CSMD1: variants seen among roughly 807,000 people sequenced by gnomAD.
CSMD1 encodes the protein CUB and sushi domain-containing protein 1.
In CSMD1, 213 loss-of-function variants were observed where a neutral mutation model predicts 417.5. The observed-to-expected ratio is 0.51, with a 90% confidence interval of 0.46 to 0.57. CSMD1 has a LOEUF of 0.57. CSMD1 is among the 20% of genes least tolerant of loss of function. CSMD1 has a pLI of 0.00. For synonymous variants in CSMD1, 2,862 were observed against 1,736.8 expected (o/e 1.65, Z -16.11); for missense variants, 6,923 against 4,529.7 (o/e 1.53, Z -15.17).
chr8:4,805,897 G>A (rs997536995), intron 1 of CSMD1, among the ~76,000 whole-genome samples: 1 of 152,120 alleles, frequency 6.6e-6, no homozygotes, highest in Admixed American at 6.6e-5. Flanking sequence ...CATTCATGGT[G>A]ACTCAAATGC....
chr8:4,019,193 T>C (rs1199613566), intron 4 of CSMD1, among the ~76,000 whole-genome samples: 2 of 152,194 alleles, frequency 1.3e-5, no homozygotes, highest in Non-Finnish European at 2.9e-5. Flanking sequence ...AAGACAGGTT[T>C]ATTATGGACA....
chr8:3,465,178 C>A (rs1317168174), intron 12 of CSMD1, among the ~76,000 whole-genome samples: 1 of 152,158 alleles, frequency 6.6e-6, no homozygotes, highest in African/African-American at 2.4e-5. Context: ...TTTTCAGTCT[C>A]TGAGCTCCTC....
chr8:4,590,549 C>T (rs1315378426), intron 2 of CSMD1, among the ~76,000 whole-genome samples: 1 of 151,978 alleles, frequency 6.6e-6, no homozygotes, highest in East Asian at 1.9e-4. Context: ...GACACCTCTC[C>T]CTATATGCTT....
At chr8:4,879,199 C>T (rs904176373) in intron 1 of CSMD1, among the ~76,000 whole-genome samples, 1 of 151,876 alleles carries the variant, frequency 6.6e-6, no homozygotes, top group African/African-American at 2.4e-5. Flanking sequence ...GAGAGACAGG[C>T]CAATGGCTGC....
intron 5 of CSMD1, among the ~76,000 whole-genome samples, chr8:3,777,354 C>A (rs942140118): frequency 6.6e-6 from 1 of 152,056 alleles, no homozygotes; most frequent in Admixed American, 6.6e-5. Context: ...GACAGCAGTG[C>A]CTCCAGATGA....
intron 41 of CSMD1, among the ~76,000 whole-genome samples, chr8:3,140,017 C>A (rs1046333527): frequency 9.3e-5 from 14 of 151,186 alleles, no homozygotes; most frequent in African/African-American, 3.4e-4. Flanking sequence ...ATTCTCCTGT[C>A]TCAGCCTCCT....
chr8:4,422,776 A>T (rs192110634), intron 2 of CSMD1, among the ~76,000 whole-genome samples: 7 of 152,146 alleles, frequency 4.6e-5, no homozygotes, highest in Admixed American at 3.3e-4. Context: ...AGATGCAAAA[A>T]TCCTTAACCA....
chr8:3,607,797 A>G (rs1801692796), intron 8 of CSMD1, among the ~76,000 whole-genome samples: 1 of 152,192 alleles, frequency 6.6e-6, no homozygotes, highest in African/African-American at 2.4e-5. Context: ...TTGTGGAAAG[A>G]CTCAAATGAG....
At chr8:4,989,719 A>G (rs1237325386) in intron 1 of CSMD1, among the ~76,000 whole-genome samples, 1 of 152,216 alleles carries the variant, frequency 6.6e-6, no homozygotes, top group Non-Finnish European at 1.5e-5. Flanking sequence ...CAGATTTAAA[A>G]TTCAGCGCAA....
chr8:3,527,515 A>T (rs73658173), intron 10 of CSMD1, among the ~76,000 whole-genome samples: 9,493 of 152,052 alleles, frequency 0.062, 874 homozygotes, highest in African/African-American at 0.2. Flanking sequence ...CTGGTGAGGG[A>T]GCTGGGTGGT....
At chr8:4,618,218 T>C (rs1407255264) in intron 2 of CSMD1, among the ~76,000 whole-genome samples, 1 of 152,050 alleles carries the variant, frequency 6.6e-6, no homozygotes, top group Non-Finnish European at 1.5e-5. Flanking sequence ...CTGGAAAGAC[T>C]CATCCTACCC....
At chr8:2,968,593 T>C (rs891034466) in intron 57 of CSMD1, among the ~76,000 whole-genome samples, 3 of 152,190 alleles carry the variant, frequency 2.0e-5, no homozygotes, top group Admixed American at 6.5e-5. Context: ...TTCTCTTTTT[T>C]TGGCTGACAA....
chr8:3,622,003 G>C (rs895182311), intron 7 of CSMD1, among the ~76,000 whole-genome samples: 2 of 151,580 alleles, frequency 1.3e-5, no homozygotes, highest in African/African-American at 4.8e-5. Flanking sequence ...GTGTGTGTGT[G>C]TGTGTGTGTG....
At chr8:4,337,674 T>A (rs543944027) in intron 3 of CSMD1, among the ~76,000 whole-genome samples, 4 of 152,278 alleles carry the variant, frequency 2.6e-5, no homozygotes, top group African/African-American at 9.6e-5. Context: ...TCACAGACAA[T>A]TTTTTCTTTA....
intron 3 of CSMD1, among the ~76,000 whole-genome samples, chr8:4,344,797 C>T (rs955190013): frequency 1.3e-5 from 2 of 152,058 alleles, no homozygotes; most frequent in South Asian, 2.1e-4. Context: ...AAGAAATATA[C>T]ATTAGCATAT....
At chr8:3,643,700 C>CAAAAAAAAAAAAAA (rs66500235) in intron 7 of CSMD1, among the ~76,000 whole-genome samples, 9 of 85,332 alleles carry the variant, frequency 1.1e-4, no homozygotes, top group South Asian at 8.6e-4. Flanking sequence ...GACTCCGTCT[C>CAAAAAAAAAAAAAA]AAAAAAAAAA....
At chr8:3,635,961 T>C (rs186152092) in intron 7 of CSMD1, among the ~76,000 whole-genome samples, 41 of 152,328 alleles carry the variant, frequency 2.7e-4, no homozygotes, top group African/African-American at 8.9e-4. Flanking sequence ...AACTTCTATT[T>C]AGCTTTTGGC....
intron 12 of CSMD1, among the ~76,000 whole-genome samples, chr8:3,418,819 A>G (rs536616709): frequency 2.0e-5 from 3 of 152,340 alleles, no homozygotes; most frequent in African/African-American, 7.2e-5. Context: ...AGAATGAGTC[A>G]TTTTAAAGGA....
chr8:4,339,924 C>G (rs955786915), intron 3 of CSMD1, among the ~76,000 whole-genome samples: 23 of 151,986 alleles, frequency 1.5e-4, no homozygotes, highest in African/African-American at 5.6e-4. Context: ...CCTAAGGGGC[C>G]TGAGGCAAGA....
Sources: allele counts gnomAD v4.1 joint callset (sites outside exome capture counted in the v4.1 genomes callset), GRCh38; gene constraint gnomAD v4.1.1; transcripts MANE v1.5; gene names NCBI Gene and HGNC (gene_info 2026-07-23, HGNC 2026-07-21).